FNDC3A: variants seen among roughly 807,000 people sequenced by gnomAD.
FNDC3A encodes the protein fibronectin type-III domain-containing protein 3A.
FNDC3A carries 32 observed loss-of-function variants against 148.9 expected under a neutral mutation model. That is an observed-to-expected ratio of 0.21 (90% CI 0.16 to 0.29). The LOEUF (loss-of-function observed/expected upper bound fraction) is 0.29. Ranked by LOEUF, FNDC3A falls within the 10% of genes least tolerant of loss-of-function variation. The pLI is 1.00. For synonymous variants in FNDC3A, 472 were observed against 473.6 expected (o/e 1.00, Z 0.04); for missense variants, 1,191 against 1,452.8 (o/e 0.82, Z 2.93).
intron 2 of FNDC3A, chr13:49,044,882 T>A (rs926818171): frequency 1.0e-5 from 3 of 297,544 alleles, no homozygotes; most frequent in Non-Finnish European, 2.0e-5. Flanking sequence ...TTCTTGGCAA[T>A]GAGCAAACCC....
At chr13:48,990,112 C>T (rs1593442771) in intron 1 of FNDC3A, among the ~76,000 whole-genome samples, 1 of 152,198 alleles carries the variant, frequency 6.6e-6, no homozygotes, top group Middle Eastern at 3.4e-3. Context: ...GACATCAGAT[C>T]TGTCATTAGA....
chr13:49,014,094 G>A (rs1180306718), intron 2 of FNDC3A, among the ~76,000 whole-genome samples: 9 of 141,206 alleles, frequency 6.4e-5, no homozygotes, highest in Non-Finnish European at 1.1e-4. Context: ...ATGATTTATA[G>A]TCCTTTGGGT....
At position 49,187,151 on chromosome 13, in the gene FNDC3A, A is replaced by G. The variant is rs1303951842; in HGVS notation, c.1786A>G (p.Ile596Val). The change falls in exon 16 of 26, where the codon ATC becomes GTC. Residue 596 changes from isoleucine (I) to valine (V), a missense_variant. Around this residue, in one of 3 missense-constraint regions of FNDC3A, gnomAD observed 751 missense variants for 944.0 expected, o/e 0.80. Coordinates refer to ENST00000492622, the MANE Select transcript of FNDC3A (RefSeq NM_001079673.2). ...DPPKDNGGAT[I>V]NKYVVEMAEG... ...ACCAAAAGACAATGGCGGAGCAACC[A>G]TCAATAAATATGTAGTGGAGATGGC... The G allele has an allele frequency of 6.2e-7, 1 of 1,613,238 alleles. No individual in the cohort carries two copies. The highest frequency in any genetic ancestry group is 8.5e-7 in the Non-Finnish European group (1 of 1,179,418).
chr13:49,006,222 C>A lies in FNDC3A; in HGVS notation c.32C>A (p.Thr11Asn). The change falls in exon 2 of 26, where the codon ACT becomes AAT. Residue 11 changes from threonine to asparagine, a missense_variant. By Grantham distance (65) the Thr-to-Asn change is moderately conservative (BLOSUM62 0). Around this residue, in one of 3 missense-constraint regions of FNDC3A, gnomAD observed 426 missense variants for 473.2 expected, o/e 0.90. Coordinates refer to ENST00000492622, the MANE Select transcript of FNDC3A (RefSeq NM_001079673.2). ...GAACATCCACCACTACTGGATACAA[C>A]TCAGATCTTAAGTAGTGATATTTCT... MAEHPPLLDT[T>N]QILSSDISLL... The A allele has an allele frequency of 6.2e-7, 1 of 1,608,610 alleles. No individual in the cohort carries two copies. The highest frequency in any genetic ancestry group is 8.5e-7 in the Non-Finnish European group (1 of 1,175,778).
intron 1 of FNDC3A, among the ~76,000 whole-genome samples, chr13:48,999,774 A>T (rs143328797): frequency 6.4e-4 from 97 of 152,270 alleles, no homozygotes; most frequent in African/African-American, 2.0e-3. Flanking sequence ...ATTAGTGTTC[A>T]TATATAAGAA....
intron 3 of FNDC3A, among the ~76,000 whole-genome samples, chr13:49,090,703 A>G (rs1211452103): frequency 2.0e-5 from 3 of 150,366 alleles, no homozygotes; most frequent in Non-Finnish European, 3.0e-5. Context: ...AGATTAGGTC[A>G]GTCAACATGT....
chr13:49,006,384 G>A (rs866311556), intron 2 of FNDC3A, 95 bp downstream of exon 2: 11 of 530,346 alleles, frequency 2.1e-5, no homozygotes, highest in Middle Eastern at 6.7e-4. Flanking sequence ...CTGTTAATTC[G>A]TGTTTTAAAT....
intron 11 of FNDC3A, 147 bp from the exon 12 acceptor site, chr13:49,174,288 A>G (rs1317761683): frequency 1.7e-6 from 1 of 595,304 alleles, no homozygotes; most frequent in Non-Finnish European, 3.0e-6. Flanking sequence ...TATATCATAT[A>G]AAAGATGTGC....
intron 3 of FNDC3A, chr13:49,110,469 TA>T: frequency 9.2e-7 from 1 of 1,091,898 alleles, no homozygotes; most frequent in African/African-American, 1.5e-5. Flanking sequence ...TGTATTAATC[TA>T]AAGTCATGCC....
intron 3 of FNDC3A, among the ~76,000 whole-genome samples, chr13:49,105,161 G>C (rs1295470583): frequency 6.6e-6 from 1 of 152,160 alleles, no homozygotes; most frequent in Non-Finnish European, 1.5e-5. Flanking sequence ...ATCAAAGTGA[G>C]ATTGGCAAAA....
chr13:49,150,484 GA>G (rs1246418685), intron 8 of FNDC3A, among the ~76,000 whole-genome samples: 2 of 151,856 alleles, frequency 1.3e-5, no homozygotes, highest in Non-Finnish European at 2.9e-5. Flanking sequence ...TTTGTTCCAA[GA>G]ATTTTTTTTT....
chr13:49,056,194 A>T (rs1442261721), intron 2 of FNDC3A, among the ~76,000 whole-genome samples: 1 of 151,902 alleles, frequency 6.6e-6, no homozygotes, highest in Non-Finnish European at 1.5e-5. Context: ...CTCAAAAAAA[A>T]AAAAAAGTGC....
intron 3 of FNDC3A, among the ~76,000 whole-genome samples, chr13:49,106,773 C>CAAAAAAAAAAAAA (rs543962565): frequency 8.8e-5 from 7 of 79,864 alleles, no homozygotes; most frequent in Non-Finnish European, 1.1e-4. Flanking sequence ...TGAATGAAAG[C>CAAAAAAAAAAAAA]AAAAAAAAAA....
chr13:49,197,441 A>G (rs1054987144), intron 20 of FNDC3A, among the ~76,000 whole-genome samples: 2 of 152,208 alleles, frequency 1.3e-5, no homozygotes, highest in African/African-American at 4.8e-5. Context: ...TTTCATATTA[A>G]TAGAATTATC....
intron 2 of FNDC3A, chr13:49,045,074 T>G (rs1359763780): frequency 5.1e-6 from 1 of 197,902 alleles, no homozygotes; most frequent in Non-Finnish European, 1.0e-5. Flanking sequence ...TCCTTTCCCT[T>G]TCCCTTTCCT....
chr13:49,104,249 G>A (rs1880024582), intron 3 of FNDC3A, among the ~76,000 whole-genome samples: 1 of 152,098 alleles, frequency 6.6e-6, no homozygotes, highest in East Asian at 1.9e-4. Flanking sequence ...TTTTGGGGCC[G>A]GGCGCAGTGG....
intron 17 of FNDC3A, 29 bp downstream of exon 17, chr13:49,188,662 T>C (rs1377212955): frequency 6.7e-7 from 1 of 1,498,974 alleles, no homozygotes; most frequent in Non-Finnish European, 9.3e-7. Flanking sequence ...TTCTTTTGTG[T>C]TGTTATTAAG....
At chr13:49,032,323 T>TA (rs988096125) in intron 2 of FNDC3A, among the ~76,000 whole-genome samples, 4 of 152,190 alleles carry the variant, frequency 2.6e-5, no homozygotes, top group Admixed American at 2.6e-4. Flanking sequence ...TATGTCCATG[T>TA]AAAAAAATGA....
In FNDC3A at chr13:49,130,625, T is replaced by C. The variant is rs146364715; in HGVS notation, c.253-512T>C. Among the ~76,000 whole-genome samples, 313 of 152,312 alleles carry C rather than the reference T, an allele frequency of 2.1e-3. 3 individuals carry two copies. Among genetic ancestry groups the C allele is most frequent in the African/African-American group, 7.1e-3 (297 of 41,564 alleles). On this transcript the variant is annotated intron_variant, in intron 4 of 25. Coordinates refer to ENST00000492622, the MANE Select transcript of FNDC3A (RefSeq NM_001079673.2). ...AGCTTGTCTAATCAGTGTTTTAAGA[T>C]TTATATTGAATTGTATAACAAAAAC...
Sources: gnomAD v4.1 joint callset for allele counts (sites outside exome capture counted in the v4.1 genomes callset) on GRCh38, gnomAD v4.1.1 for gene constraint, gnomAD v4.1.1 regional missense constraint, MANE v1.5 for transcripts, NCBI Gene and HGNC (gene_info 2026-07-23, HGNC 2026-07-21) for gene names.